The following BCAS3 variants were observed in gnomAD, a reference collection of about 807,000 sequenced individuals.
The protein encoded by BCAS3 is BCAS3 microtubule associated cell migration factor, also known as BCAS4/BCAS3 fusion.
A neutral mutation model predicts 116.1 loss-of-function variants in BCAS3; 53 were observed. The observed-to-expected ratio is 0.46, with a 90% CI of 0.37 to 0.57. The LOEUF is 0.57. Ranked by LOEUF, BCAS3 falls within the 20% of genes least tolerant of loss-of-function variation. The probability of loss-of-function intolerance (pLI) is 0.00; values close to 1 mark genes in which losing one functional copy is unlikely to be tolerated. For synonymous variants in BCAS3, 391 were observed against 408.2 expected (o/e 0.96, Z 0.51); for missense variants, 917 against 1,165.4 (o/e 0.79, Z 3.10).
intron 7 of BCAS3, among the ~76,000 whole-genome samples, chr17:60,815,908 A>G (rs2049343779): frequency 6.6e-6 from 1 of 152,134 alleles, no homozygotes; most frequent in African/African-American, 2.4e-5. Context: ...ACCCTCGAAT[A>G]TATATATATT....
At position 60,964,895 on chromosome 17, in the gene BCAS3, C is replaced by A. The variant is rs2061577670; in HGVS notation, c.1221+17543C>A. Among the ~76,000 whole-genome samples, 1 of 151,916 alleles carries A rather than the reference C, an allele frequency of 6.6e-6. No individual in the cohort carries two copies. The highest frequency in any genetic ancestry group is 1.9e-4 in the East Asian group (1 of 5,186). On this transcript the variant is annotated intron_variant, in intron 14 of 23. Coordinates refer to ENST00000407086, the MANE Select transcript of BCAS3 (RefSeq NM_017679.5). This position sits in a 1 kb window ranked among gnomAD's most constrained non-coding sequence, Gnocchi z 4.6. Reference sequence around the variant, plus strand: ...AGGTCTCAGTTGTTATGTGTCCTTTCTTTGTTTCTGATTTTATTTATTTAG... The same window carrying A: ...AGGTCTCAGTTGTTATGTGTCCTTTATTTGTTTCTGATTTTATTTATTTAG...
chr17:61,335,816 A>G (rs139087708), intron 22 of BCAS3, among the ~76,000 whole-genome samples: 42 of 152,362 alleles, frequency 2.8e-4, no homozygotes, highest in African/African-American at 9.6e-4. Flanking sequence ...TTCTGGTTGT[A>G]TTTTCTTCTC....
rs971441347 is a variant in BCAS3 at position 61,248,948 on chromosome 17, C to G, written c.2426-119379C>G. ...GACGTTGTTTAGATGAATATATATT[C>G]TTTTCCTGTGTATTCTACTATTCCT... On this transcript the variant is annotated intron_variant, in intron 22 of 23. Coordinates refer to ENST00000407086, the MANE Select transcript of BCAS3 (RefSeq NM_017679.5). The surrounding 1 kb of genome is among the most constrained non-coding windows in gnomAD (Gnocchi z 4.3). 6.6e-6 allele frequency among the ~76,000 whole-genome samples: 1 copy of G among 152,120 alleles called. No individual in the cohort carries two copies. The highest frequency in any genetic ancestry group is 2.4e-5 in the African/African-American group (1 of 41,424).
chr17:60,797,655 G>A (rs1248980147), intron 6 of BCAS3, among the ~76,000 whole-genome samples: 1 of 151,934 alleles, frequency 6.6e-6, no homozygotes, highest in Non-Finnish European at 1.5e-5. Flanking sequence ...TCTACATTAG[G>A]TATTTCTCCT....
intron 6 of BCAS3, among the ~76,000 whole-genome samples, chr17:60,764,481 T>C (rs1348412759): frequency 6.6e-6 from 1 of 152,226 alleles, no homozygotes; most frequent in Non-Finnish European, 1.5e-5. Flanking sequence ...AGCAGGTTGT[T>C]CAGTTTCCAT....
intron 19 of BCAS3, among the ~76,000 whole-genome samples, chr17:61,060,672 T>C (rs974227256): frequency 6.6e-6 from 1 of 152,204 alleles, no homozygotes; most frequent in African/African-American, 2.4e-5. Context: ...AAAAAAATTA[T>C]TGGAGAAACG....
chr17:61,075,377 C>T (rs540436718), intron 20 of BCAS3, among the ~76,000 whole-genome samples: 2 of 152,278 alleles, frequency 1.3e-5, no homozygotes, highest in African/African-American at 2.4e-5. Context: ...TGCAGTGACA[C>T]GACCTTGGCT....
At chr17:61,149,913 G>C (rs2077451350) in intron 22 of BCAS3, among the ~76,000 whole-genome samples, 1 of 152,306 alleles carries the variant, frequency 6.6e-6, no homozygotes, top group South Asian at 2.1e-4. Context: ...TTTCTTTGAA[G>C]TCTCTGGCCA....
Position 61,282,697 on chromosome 17 carries a change from G to T in BCAS3, c.2426-85630G>T, listed in dbSNP as rs2051346895. On this transcript the variant is annotated intron_variant, in intron 22 of 23. Transcript: ENST00000407086. The surrounding 1 kb of genome is among the most constrained non-coding windows in gnomAD (Gnocchi z 5.9). Reference sequence around the variant, plus strand: ...GAAGCCCATCAACACAGAGGATTATGAATCAGACCCTTCCAGAAGTCTCTA... The same window carrying T: ...GAAGCCCATCAACACAGAGGATTATTAATCAGACCCTTCCAGAAGTCTCTA... Among the ~76,000 whole-genome samples, 1 of 152,144 alleles carries T rather than the reference G, an allele frequency of 6.6e-6. No individual in the cohort carries two copies. Among genetic ancestry groups the T allele is most frequent in the Non-Finnish European group, 1.5e-5 (1 of 68,030 alleles).
Position 61,188,836 on chromosome 17 carries a change from C to A in BCAS3, c.2425+104272C>A, listed in dbSNP as rs371684702. Among the ~76,000 whole-genome samples the A allele has an allele frequency of 6.6e-6, 1 of 152,172 alleles. No individual in the cohort carries two copies. Among genetic ancestry groups the A allele is most frequent in the Non-Finnish European group, 1.5e-5 (1 of 68,036 alleles). On this transcript the variant is annotated intron_variant, in intron 22 of 23. Transcript: ENST00000407086. The surrounding 1 kb of genome is among the most constrained non-coding windows in gnomAD (Gnocchi z 4.0). ...AGTAAAGAATGGCATACTTGCCGGG[C>A]ATGGTGGCTCATGCCTATAATCCCA...
intron 6 of BCAS3, among the ~76,000 whole-genome samples, chr17:60,764,028 G>A (rs902848427): frequency 1.3e-5 from 2 of 152,068 alleles, no homozygotes; most frequent in African/African-American, 4.8e-5. Flanking sequence ...TATTTCTGTG[G>A]GATCGCTGGT....
At chr17:60,857,901 G>A (rs987011392) in intron 7 of BCAS3, among the ~76,000 whole-genome samples, 3 of 151,934 alleles carry the variant, frequency 2.0e-5, no homozygotes, top group Non-Finnish European at 4.4e-5. Flanking sequence ...CTGAGCTTTC[G>A]TAACATTTGT....
intron 13 of BCAS3, among the ~76,000 whole-genome samples, chr17:60,930,762 T>C (rs1012621996): frequency 1.3e-5 from 2 of 152,092 alleles, no homozygotes; most frequent in African/African-American, 4.8e-5. Context: ...CCAGCCCTTT[T>C]AGTCTTTTTA....
At position 61,333,625 on chromosome 17, in the gene BCAS3, C is replaced by A. The variant is rs538387755; in HGVS notation, c.2426-34702C>A. 2.5e-4 allele frequency among the ~76,000 whole-genome samples: 35 copies of A among 142,538 alleles called. No individual in the cohort carries two copies. Among genetic ancestry groups the A allele is most frequent in the Non-Finnish European group, 4.3e-4 (28 of 65,376 alleles). 93.5% of individuals were successfully genotyped at this position (142,538 alleles called of 152,430 possible). ...AGTTCTTGAAACTTTCTTTTTTTTT[C>A]TTTTTTTTTTTTTGAGACAGAGTCT... On this transcript the variant is annotated intron_variant, in intron 22 of 23. Coordinates refer to ENST00000407086, the MANE Select transcript of BCAS3 (RefSeq NM_017679.5). The surrounding 1 kb of genome is among the most constrained non-coding windows in gnomAD (Gnocchi z 4.8).
chr17:61,153,569 G>C (rs1012524382), intron 22 of BCAS3, among the ~76,000 whole-genome samples: 29 of 152,300 alleles, frequency 1.9e-4, no homozygotes, highest in African/African-American at 7.0e-4. Context: ...ATTCATAAGA[G>C]AAGTTAGCTT....
In BCAS3 at chr17:61,134,071, T is replaced by C. The variant is rs945804445; in HGVS notation, c.2425+49507T>C. Among the ~76,000 whole-genome samples, 6 of 152,120 alleles carry C rather than the reference T, an allele frequency of 3.9e-5. No homozygotes were observed. Among genetic ancestry groups the C allele is most frequent in the Non-Finnish European group, 7.4e-5 (5 of 68,018 alleles). On this transcript the variant is annotated intron_variant, in intron 22 of 23. Coordinates refer to ENST00000407086, the MANE Select transcript of BCAS3 (RefSeq NM_017679.5). This position sits in a 1 kb window ranked among gnomAD's most constrained non-coding sequence, Gnocchi z 4.6. ...GGGATGTACTAACAAAGGAGTCATA[T>C]ACAAAAAGGGAGGAGAGGTAGAGTT...
intron 22 of BCAS3, among the ~76,000 whole-genome samples, chr17:61,252,305 A>G (rs1001458659): frequency 1.3e-5 from 2 of 152,196 alleles, no homozygotes; most frequent in South Asian, 2.1e-4. Context: ...AAGAGAGTGT[A>G]TTTAGGAAAT....
At chr17:61,375,804 C>T (rs1449459566) in intron 23 of BCAS3, among the ~76,000 whole-genome samples, 1 of 152,058 alleles carries the variant, frequency 6.6e-6, no homozygotes, top group Non-Finnish European at 1.5e-5. Context: ...GACTCCTGAC[C>T]TCAGGTGATC....
chr17:61,067,038 C>G (rs1215922376), intron 19 of BCAS3, among the ~76,000 whole-genome samples: 1 of 151,270 alleles, frequency 6.6e-6, no homozygotes, highest in Admixed American at 6.6e-5. Context: ...CCGATAAATA[C>G]CATATTTTCT....
Sources: gnomAD v4.1 joint callset for allele counts (sites outside exome capture counted in the v4.1 genomes callset) on GRCh38, gnomAD v4.1.1 for gene constraint, Gnocchi (gnomAD v3.1) non-coding constraint, MANE v1.5 for transcripts, NCBI Gene and HGNC (gene_info 2026-07-23, HGNC 2026-07-21) for gene names.